DBR1: variants seen among roughly 807,000 people sequenced by gnomAD.
DBR1 encodes debranching RNA lariats 1, also known as lariat debranching enzyme.
DBR1 carries 33 observed loss-of-function variants against 45.9 expected under a neutral mutation model. The observed-to-expected ratio is 0.72, with a 90% CI of 0.55 to 0.96. DBR1 has a LOEUF of 0.96. Among genes scored for constraint, DBR1 ranks in the 40% least tolerant of loss-of-function variants. The probability of loss-of-function intolerance (pLI) is 0.00; values close to 1 mark genes in which losing one functional copy is unlikely to be tolerated. For missense variants in DBR1, 619 were observed against 667.4 expected (o/e 0.93, Z 0.80); for synonymous variants, 235 against 235.9 (o/e 1.00, Z 0.04).
At chr3:138,170,240 T>A in intron 3 of DBR1, 48 bp from the exon 4 acceptor site, 6 of 1,160,628 alleles carry the variant, frequency 5.2e-6, no homozygotes, top group Non-Finnish European at 6.3e-6. Flanking sequence ...CCTTAAATAC[T>A]GCAAATACAA....
chr3:138,163,285 G>C (rs1463014287), intron 7 of DBR1, 64 bp downstream of exon 7: 1 of 1,538,840 alleles, frequency 6.5e-7, no homozygotes, highest in Non-Finnish European at 8.9e-7. Context: ...ACAAAACAAA[G>C]GTGGGAGATA....
At chr3:138,169,967 T>G (rs1576534536) in intron 4 of DBR1, 140 bp downstream of exon 4, 1 of 637,784 alleles carries the variant, frequency 1.6e-6, no homozygotes. Context: ...TCTGTGAACC[T>G]CCTAAAAACT....
At chr3:138,166,944 T>C (rs2042932983) in intron 5 of DBR1, 137 bp downstream of exon 5, 3 of 814,580 alleles carry the variant, frequency 3.7e-6, no homozygotes, top group Non-Finnish European at 5.9e-6. Context: ...ATTGCTTGTC[T>C]TTCCCAGAAT....
At chr3:138,169,691 G>C (rs1243089039) in intron 4 of DBR1, among the ~76,000 whole-genome samples, 2 of 152,048 alleles carry the variant, frequency 1.3e-5, no homozygotes, top group Admixed American at 6.6e-5. Flanking sequence ...CAGCACTTTG[G>C]GAGGCCAAGG....
intron 1 of DBR1, 50 bp downstream of exon 1, chr3:138,174,549 A>ACC: frequency 6.9e-7 from 1 of 1,438,988 alleles, no homozygotes; most frequent in Non-Finnish European, 9.5e-7. Flanking sequence ...GGCAGAGGGA[A>ACC]CCCAGTCCCA....
intron 4 of DBR1, among the ~76,000 whole-genome samples, chr3:138,167,667 C>T (rs775717739): frequency 1.3e-5 from 2 of 152,112 alleles, no homozygotes; most frequent in Non-Finnish European, 2.9e-5. Context: ...TATTTTGGGC[C>T]GGGCGCGGTG....
rs2042911159 is a variant in DBR1 at position 138,162,237 on chromosome 3, T to G, written c.1287A>C (p.Ile429=). The G allele has an allele frequency of 2.5e-6, 4 of 1,614,160 alleles. No homozygotes were observed. The South Asian group carries it at 4.4e-5, about 18-fold the overall frequency. Reference sequence around the variant, plus strand: ...CTTCATCTTCTTCTTCATCTAACATTATTTCATCTGGATTAATAGAAGACA... The same window carrying G: ...CTTCATCTTCTTCTTCATCTAACATGATTTCATCTGGATTAATAGAAGACA... ...SALSSINPDE[I]MLDEEEDEDS... The change falls in exon 8 of 8, where the codon ATA becomes ATC. Residue 429 remains isoleucine (I), a synonymous_variant. Coordinates refer to ENST00000260803, the MANE Select transcript of DBR1 (RefSeq NM_016216.4).
chr3:138,167,427 A>G (rs1348769483), intron 4 of DBR1, 122 bp from the exon 5 acceptor site: 1 of 690,182 alleles, frequency 1.4e-6, no homozygotes, highest in African/African-American at 1.8e-5. Flanking sequence ...AATTCTGTAT[A>G]ATTCATTCTA....
In DBR1 at chr3:138,167,158, G is replaced by A. The variant is rs1207725905; in HGVS notation, c.637C>T (p.Leu213Phe). Residue 213 changes from leucine (L) to phenylalanine (F), a missense_variant, in exon 5 of 8, where the codon CTT becomes TTT. Physicochemically the swap from Leu to Phe is conservative, Grantham distance 22 (BLOSUM62 0). Coordinates refer to ENST00000260803, the MANE Select transcript of DBR1 (RefSeq NM_016216.4). The stretch of plus-strand genomic sequence containing the variant: ...TAAGTAGGTTTGAGATGCTCTAAAA[G>A]CTCTGAGGCAGCTGGACTTCCTAAT... ...NTLGSPAASE[L>F]LEHLKPTYWF... is the part of the protein sequence containing the mutation. 1.8e-5 allele frequency: 29 copies of A among 1,614,068 alleles called. No homozygotes were observed. The highest frequency in any genetic ancestry group is 2.4e-5 in the Non-Finnish European group (28 of 1,180,030).
chr3:138,163,502 A>T lies in DBR1; in HGVS notation c.796-8T>A. The T allele has an allele frequency of 6.5e-7, 1 of 1,537,112 alleles. No homozygotes were observed. The highest frequency in any genetic ancestry group is 8.9e-7 in the Non-Finnish European group (1 of 1,126,774). On this transcript the variant is annotated splice_polypyrimidine_tract_variant and splice_region_variant and intron_variant, in intron 6 of 7. Transcript: ENST00000260803. ...ATGTTCTATCTCTAATATCTACAGG[A>T]TGAAATCAATGTTAAGAAATACATA...
intron 3 of DBR1, 139 bp from the exon 4 acceptor site, chr3:138,170,331 A>T (rs2042948649): frequency 5.2e-6 from 3 of 572,848 alleles, no homozygotes; most frequent in Non-Finnish European, 8.9e-6. Flanking sequence ...GAAATTTTTT[A>T]AAAAGATGGT....
intron 5 of DBR1, chr3:138,164,228 C>T: frequency 6.4e-6 from 1 of 156,518 alleles, no homozygotes; most frequent in Non-Finnish European, 1.4e-5. Flanking sequence ...GAAGAACCCA[C>T]AGGAGAAAAT....
intron 5 of DBR1, among the ~76,000 whole-genome samples, chr3:138,165,529 A>C (rs976014509): frequency 2.6e-5 from 4 of 151,994 alleles, no homozygotes; most frequent in Admixed American, 6.6e-5. Flanking sequence ...GGAGATCGAG[A>C]CCATCCTGGC....
intron 4 of DBR1, among the ~76,000 whole-genome samples, chr3:138,167,748 C>T (rs1052380395): frequency 7.9e-5 from 12 of 152,058 alleles, no homozygotes; most frequent in African/African-American, 2.7e-4. Context: ...GAGTTCGAAA[C>T]GAGCCTCACC....
Position 138,162,184 on chromosome 3 carries a change from A to T in DBR1, c.1340T>A (p.Met447Lys), listed in dbSNP as rs1211487483. The change falls in exon 8 of 8, where the codon ATG (methionine) becomes AAG (lysine). Residue 447 changes from methionine (M) to lysine (K), a missense_variant. Met to Lys is a moderately conservative substitution (Grantham distance 95, BLOSUM62 -1). This residue lies in a region of DBR1 where 182 missense variants were observed against 196.1 expected (regional missense o/e 0.93). Transcript: ENST00000260803. Reference sequence around the variant, plus strand: ...AGAAGGTTCTACCGATGGTGTATTCATGCCACTATGTGCACTTACAATACT... The same window carrying T: ...AGAAGGTTCTACCGATGGTGTATTCTTGCCACTATGTGCACTTACAATACT... Reference protein sequence around the residue: ...EDSIVSAHSGMNTPSVEPSDQ... With the variant: ...EDSIVSAHSGKNTPSVEPSDQ... 3.1e-6 allele frequency: 5 copies of T among 1,614,082 alleles called. No individual in the cohort carries two copies. The African/African-American group carries it at 5.3e-5, about 17-fold the overall frequency.
chr3:138,174,555 T>TGCCCCCCC, intron 1 of DBR1, 44 bp downstream of exon 1: 4 of 1,437,538 alleles, frequency 2.8e-6, no homozygotes, highest in Non-Finnish European at 3.8e-6. Context: ...GGGAACCCAG[T>TGCCCCCCC]CCCACCCCCC....
chr3:138,173,835 G>A (rs921607968), intron 1 of DBR1, among the ~76,000 whole-genome samples: 1 of 151,926 alleles, frequency 6.6e-6, no homozygotes, highest in African/African-American at 2.4e-5. Context: ...TCAGGAGTTC[G>A]AGACCAACCT....
chr3:138,174,851 C>A lies in DBR1; in HGVS notation c.-56G>T. ...GCAACGCCCTACACCACAGCCAGCC[C>A]AGGACCGACTGATCGCTCAGCTCCC... On this transcript the variant is annotated 5_prime_UTR_variant, in exon 1 of 8. Transcript: ENST00000260803. 2 of 1,544,660 alleles carry A rather than the reference C, an allele frequency of 1.3e-6. No individual in the cohort carries two copies. The highest frequency in any genetic ancestry group is 8.8e-7 in the Non-Finnish European group (1 of 1,138,338).
intron 2 of DBR1, 37 bp downstream of exon 2, chr3:138,173,465 C>A: frequency 6.2e-7 from 1 of 1,608,476 alleles, no homozygotes; most frequent in Non-Finnish European, 8.5e-7. Flanking sequence ...CTCTTCCATC[C>A]CAGGAAAAAA....
Sources: allele counts gnomAD v4.1 joint callset (sites outside exome capture counted in the v4.1 genomes callset), GRCh38; gene constraint gnomAD v4.1.1; regional missense constraint gnomAD v4.1.1; transcripts MANE v1.5; gene names NCBI Gene and HGNC (gene_info 2026-07-23, HGNC 2026-07-21).